The following SLC3A1 variants were observed in gnomAD, a reference collection of about 807,000 sequenced individuals.
The protein encoded by SLC3A1 is solute carrier family 3 member 1.
A neutral mutation model predicts 60.3 loss-of-function variants in SLC3A1; 78 were observed. The observed-to-expected ratio is 1.29, with a 90% CI of 1.08 to 1.56. SLC3A1 has a LOEUF of 1.56. Among genes scored for constraint, SLC3A1 ranks in the 40% most tolerant of loss-of-function variants. The pLI, the probability that SLC3A1 is intolerant of heterozygous loss-of-function variation, is 0.00. For synonymous variants in SLC3A1, 392 were observed against 307.9 expected (o/e 1.27, Z -2.86); for missense variants, 1,172 against 858.9 (o/e 1.36, Z -4.56).
At chr2:44,303,953 G>T (rs1037335955) in intron 6 of SLC3A1, 190 bp from the exon 7 acceptor site, 5 of 666,792 alleles carry the variant, frequency 7.5e-6, no homozygotes, top group Non-Finnish European at 1.4e-5. Context: ...GTGTGTATGT[G>T]CCACATTTTC....
At chr2:44,321,580 A>G, downstream of SLC3A1, 4 of 1,494,476 alleles carry the variant, frequency 2.7e-6, no homozygotes, top group Non-Finnish European at 2.7e-6. Flanking sequence ...TTCATTCGAG[A>G]GAGAGGCAGA....
At chr2:44,284,722 T>C (rs2340808) in intron 3 of SLC3A1, among the ~76,000 whole-genome samples, 106,401 of 151,740 alleles carry the variant, frequency 0.7, 38,095 homozygotes, top group African/African-American at 0.82. Context: ...CACCATCATG[T>C]GTGGCTGAGT....
rs116182863 is a variant in SLC3A1 at position 44,302,289 on chromosome 2, C to T, written c.1136+1162C>T. On this transcript the variant is annotated intron_variant, in intron 6 of 9. Coordinates refer to ENST00000260649, the MANE Select transcript of SLC3A1 (RefSeq NM_000341.4). ...ATCAATAAAAAAGTGATAGCAATAA[C>T]CTCTATAAGGCTGTTGTGAGATTAA... Among the ~76,000 whole-genome samples, 1,377 of 152,088 alleles carry T rather than the reference C, an allele frequency of 9.1e-3. 22 individuals are homozygous for T. The highest frequency in any genetic ancestry group is 0.031 in the African/African-American group (1,299 of 41,384).
Position 44,319,200 on chromosome 2 carries a change from AACAATAACAACC to A in SLC3A1, c.1618-987_1618-976del, listed in dbSNP as rs1672705940. On this transcript the variant is annotated intron_variant, in intron 9 of 9. Coordinates refer to ENST00000260649, the MANE Select transcript of SLC3A1 (RefSeq NM_000341.4). ...ACATATTGGGAACCTACCCCTAAAG[AACAATAACAACC>A]ACAATAACAACTATCACCCCAGTAA... 2.0e-5 allele frequency: 3 copies of A among 152,780 alleles called. 1 individual carries two copies. Among genetic ancestry groups the A allele is most frequent in the Non-Finnish European group, 4.4e-5 (3 of 68,030 alleles). 9.5% of individuals were successfully genotyped at this position (152,780 alleles called of 1,614,324 possible).
intron 1 of SLC3A1, among the ~76,000 whole-genome samples, chr2:44,276,377 G>A (rs1480948533): frequency 2.0e-5 from 3 of 152,068 alleles, no homozygotes; most frequent in Admixed American, 6.6e-5. Flanking sequence ...CTGTGTGGCT[G>A]GGAGTGTATT....
chr2:44,284,025 T>C (rs1160349889), intron 3 of SLC3A1, among the ~76,000 whole-genome samples: 2 of 152,178 alleles, frequency 1.3e-5, no homozygotes, highest in Admixed American at 1.3e-4. Context: ...TTTTTTATTA[T>C]GAACAATGTT....
At chr2:44,286,472 C>T (rs1671613929) in intron 4 of SLC3A1, among the ~76,000 whole-genome samples, 1 of 152,144 alleles carries the variant, frequency 6.6e-6, no homozygotes, top group South Asian at 2.1e-4. Flanking sequence ...TCCAAGTTGC[C>T]CCGCCACCTG....
chr2:44,285,868 G>T, intron 3 of SLC3A1, 164 bp from the exon 4 acceptor site: 1 of 846,432 alleles, frequency 1.2e-6, no homozygotes, highest in East Asian at 2.4e-5. Flanking sequence ...GGCCAATGGG[G>T]TGGGGGGTAT....
chr2:44,312,483 A>C, intron 7 of SLC3A1, 103 bp from the exon 8 acceptor site: 1 of 1,234,410 alleles, frequency 8.1e-7, no homozygotes, highest in Non-Finnish European at 1.2e-6. Flanking sequence ...CCAAGGTACC[A>C]CATCTACTTT....
chr2:44,316,135 G>T (rs1171216212), intron 9 of SLC3A1: 1 of 152,242 alleles, frequency 6.6e-6, no homozygotes, highest in Non-Finnish European at 1.5e-5. Flanking sequence ...AGGCAAACAA[G>T]GAAGGTCAAA....
At chr2:44,282,270 T>C (rs1361983638) in intron 3 of SLC3A1, among the ~76,000 whole-genome samples, 1 of 152,166 alleles carries the variant, frequency 6.6e-6, no homozygotes, top group East Asian at 1.9e-4. Flanking sequence ...CCTTAGTAGT[T>C]GAGTCTCTGG....
At position 44,321,187 on chromosome 2, in the gene SLC3A1, G is replaced by T. The variant is rs1037318150; in HGVS notation, c.*548G>T. On this transcript the variant is annotated 3_prime_UTR_variant, in exon 10 of 10. Coordinates refer to ENST00000260649, the MANE Select transcript of SLC3A1 (RefSeq NM_000341.4). ...GGCATGTGCATCAATGGAGAGAATA[G>T]TATAAGCAAGTGAGATGTAGACTAA... The T allele has an allele frequency of 4.8e-6, 3 of 621,776 alleles. No homozygotes were observed. Among genetic ancestry groups the T allele is most frequent in the Non-Finnish European group, 8.6e-6 (3 of 350,840 alleles). 38.5% of individuals were successfully genotyped at this position (621,776 alleles called of 1,614,324 possible). A position where few individuals can be genotyped will look rare whatever the true frequency, so the allele number is the denominator to read the frequency against.
At chr2:44,302,147 A>G (rs1021412649) in intron 6 of SLC3A1, among the ~76,000 whole-genome samples, 3 of 152,184 alleles carry the variant, frequency 2.0e-5, no homozygotes, top group East Asian at 1.9e-4. Context: ...ATATAAATCC[A>G]TATGTTTCAG....
intron 7 of SLC3A1, among the ~76,000 whole-genome samples, chr2:44,307,379 A>G (rs1672184226): frequency 6.6e-6 from 1 of 152,198 alleles, no homozygotes; most frequent in Non-Finnish European, 1.5e-5. Flanking sequence ...CACTGGGCAT[A>G]TGGTAAGTCT....
chr2:44,278,100 G>C (rs1324463390), intron 1 of SLC3A1, among the ~76,000 whole-genome samples: 1 of 152,118 alleles, frequency 6.6e-6, no homozygotes, highest in Non-Finnish European at 1.5e-5. Context: ...GATACCGTGT[G>C]AGATCTTGCA....
At chr2:44,292,957 G>A (rs1258923275) in intron 4 of SLC3A1, among the ~76,000 whole-genome samples, 1 of 152,074 alleles carries the variant, frequency 6.6e-6, no homozygotes, top group Non-Finnish European at 1.5e-5. Flanking sequence ...CAGGTTTGGA[G>A]GCTTTGGGGC....
At chr2:44,286,279 T>C (rs1671610707) in intron 4 of SLC3A1, 122 bp downstream of exon 4, 1 of 929,472 alleles carries the variant, frequency 1.1e-6, no homozygotes. Flanking sequence ...TGAAATACTC[T>C]ATAGTTATTT....
At chr2:44,287,894 C>T (rs1572795176) in intron 4 of SLC3A1, among the ~76,000 whole-genome samples, 2 of 152,070 alleles carry the variant, frequency 1.3e-5, no homozygotes, top group African/African-American at 4.8e-5. Context: ...GCACCTAGAA[C>T]CCTTGGTTTA....
At chr2:44,316,672 A>ATAGAT (rs1416096144) in intron 9 of SLC3A1, among the ~76,000 whole-genome samples, 1 of 152,236 alleles carries the variant, frequency 6.6e-6, no homozygotes, top group Non-Finnish European at 1.5e-5. Context: ...AAACCTGAAA[A>ATAGAT]TAGATTGCCT....
Sources: allele counts gnomAD v4.1 joint callset (sites outside exome capture counted in the v4.1 genomes callset), GRCh38; gene constraint gnomAD v4.1.1; transcripts MANE v1.5; gene names NCBI Gene and HGNC (gene_info 2026-07-23, HGNC 2026-07-21).